Variants in CNTN4 observed in about 807,000 individuals in gnomAD.
CNTN4 encodes the protein contactin-4.
Under a neutral mutation model 122.5 loss-of-function variants are expected in CNTN4, and 77 were observed. The ratio of observed to expected loss-of-function variants is 0.63; its 90% CI spans 0.52 to 0.76. CNTN4 has a LOEUF of 0.76. CNTN4 is among the 30% of genes least tolerant of loss of function. The pLI is 0.00. For synonymous variants in CNTN4, 512 were observed against 447.0 expected (o/e 1.15, Z -1.83); for missense variants, 1,256 against 1,259.1 (o/e 1.00, Z 0.04).
At chr3:2,478,695 G>A (rs1472931524) in intron 3 of CNTN4, among the ~76,000 whole-genome samples, 1 of 152,054 alleles carries the variant, frequency 6.6e-6, no homozygotes, top group Non-Finnish European at 1.5e-5. Flanking sequence ...TTGGTTTTCT[G>A]TTCCTGCGTT....
In CNTN4 at chr3:2,833,226, C is replaced by T. The variant is rs113892924; in HGVS notation, c.454+13645C>T. Among the ~76,000 whole-genome samples, 329 of 152,206 alleles carry T rather than the reference C, an allele frequency of 2.2e-3. 2 individuals carry two copies. The Middle Eastern group carries it at 0.034, about 16-fold the overall frequency. On this transcript the variant is annotated intron_variant, in intron 7 of 24. Coordinates refer to ENST00000418658, the MANE Select transcript of CNTN4 (RefSeq NM_175607.3). ...GATGCCAATGTTAAAAGAGAGTTGC[C>T]GCCAATGCAGATTGAGGTTTGAAGG...
chr3:2,283,138 T>TA (rs891766411), intron 2 of CNTN4, among the ~76,000 whole-genome samples: 152 of 152,272 alleles, frequency 1.0e-3, no homozygotes, highest in African/African-American at 3.5e-3. Flanking sequence ...TGGTAAATGT[T>TA]ACATTACGTG....
In CNTN4 at chr3:2,169,544, C is replaced by T. The variant is rs904151918; in HGVS notation, c.-145+68905C>T. Among the ~76,000 whole-genome samples, 9 of 105,280 alleles carry T rather than the reference C, an allele frequency of 8.5e-5. No individual in the cohort carries two copies. In the South Asian group the frequency reaches 1.1e-3, roughly 12 times the overall value. The allele number at this position is 105,280 out of a possible 152,430, so 69.1% of individuals were successfully genotyped here. On this transcript the variant is annotated intron_variant, in intron 2 of 24. Transcript: ENST00000418658. The stretch of plus-strand genomic sequence containing the variant: ...GCCTCAGCCTCCCGAGTAGCTGGGA[C>T]TACAGGCGCCGCCACCACGCCCGGC...
At chr3:2,400,422 TATATAC>T (rs1237626760) in intron 3 of CNTN4, among the ~76,000 whole-genome samples, 7 of 59,356 alleles carry the variant, frequency 1.2e-4, no homozygotes, top group Non-Finnish European at 2.2e-4. Flanking sequence ...TATATATATA[TATATAC>T]ATATATATAT....
At chr3:2,866,327 T>G (rs1487540908) in intron 7 of CNTN4, 2 of 237,660 alleles carry the variant, frequency 8.4e-6, no homozygotes, top group Non-Finnish European at 1.5e-5. Flanking sequence ...ATATAATGAT[T>G]ATTATCTATA....
intron 2 of CNTN4, among the ~76,000 whole-genome samples, chr3:2,243,656 A>G (rs1279283580): frequency 6.6e-6 from 1 of 152,150 alleles, no homozygotes; most frequent in Non-Finnish European, 1.5e-5. Flanking sequence ...AATAAACAAA[A>G]TGGAGTGGAT....
intron 4 of CNTN4, among the ~76,000 whole-genome samples, chr3:2,643,112 C>A (rs1050532936): frequency 1.1e-4 from 17 of 152,202 alleles, no homozygotes; most frequent in African/African-American, 3.9e-4. Flanking sequence ...CCCCTTTTAT[C>A]TCTATGTATT....
chr3:2,346,486 C>T (rs937452421), intron 3 of CNTN4, among the ~76,000 whole-genome samples: 1 of 152,094 alleles, frequency 6.6e-6, no homozygotes, highest in Non-Finnish European at 1.5e-5. Flanking sequence ...CTTCCTTTTG[C>T]TCAAAAGTTC....
chr3:2,657,980 T>C (rs142944681), intron 4 of CNTN4, among the ~76,000 whole-genome samples: 117 of 150,072 alleles, frequency 7.8e-4, no homozygotes, highest in African/African-American at 2.7e-3. Flanking sequence ...GCCATGAGGA[T>C]GAGTTGCCCA....
intron 3 of CNTN4, among the ~76,000 whole-genome samples, chr3:2,480,715 C>CA (rs1351289995): frequency 1.2e-4 from 18 of 152,188 alleles, no homozygotes; most frequent in Admixed American, 1.2e-3. Flanking sequence ...CAGTCCCAAT[C>CA]AAAATCCCAG....
At chr3:2,637,974 A>G (rs2082738573) in intron 4 of CNTN4, among the ~76,000 whole-genome samples, 1 of 152,216 alleles carries the variant, frequency 6.6e-6, no homozygotes, top group South Asian at 2.1e-4. Context: ...ACTTGTAACT[A>G]TGGGCAAATT....
At chr3:2,296,706 A>G (rs1479099458) in intron 2 of CNTN4, among the ~76,000 whole-genome samples, 2 of 152,088 alleles carry the variant, frequency 1.3e-5, no homozygotes, top group Non-Finnish European at 2.9e-5. Flanking sequence ...CACAAGAAGA[A>G]TAAAATGGTC....
intron 4 of CNTN4, among the ~76,000 whole-genome samples, chr3:2,702,980 G>A (rs1050902441): frequency 6.6e-6 from 1 of 152,146 alleles, no homozygotes; most frequent in Non-Finnish European, 1.5e-5. Flanking sequence ...ATATTCTCAG[G>A]AATGTGTTCT....
At chr3:2,556,087 G>T (rs2078709633) in intron 3 of CNTN4, among the ~76,000 whole-genome samples, 2 of 152,096 alleles carry the variant, frequency 1.3e-5, no homozygotes, top group Non-Finnish European at 2.9e-5. Flanking sequence ...TCCATTTGGG[G>T]GTTACTGGAA....
At chr3:2,695,480 T>C (rs1477663737) in intron 4 of CNTN4, among the ~76,000 whole-genome samples, 2 of 152,244 alleles carry the variant, frequency 1.3e-5, no homozygotes, top group African/African-American at 4.8e-5. Flanking sequence ...AGGAATTGGT[T>C]TCCAAATTGC....
chr3:2,830,152 A>G (rs1263156433), intron 7 of CNTN4, among the ~76,000 whole-genome samples: 2 of 152,192 alleles, frequency 1.3e-5, no homozygotes, highest in African/African-American at 4.8e-5. Context: ...AGAAACCAAG[A>G]ACTTAATGAT....
intron 3 of CNTN4, among the ~76,000 whole-genome samples, chr3:2,501,149 C>T (rs534328304): frequency 6.6e-6 from 1 of 152,072 alleles, no homozygotes; most frequent in Non-Finnish European, 1.5e-5. Context: ...GTGGGAGACC[C>T]ATATGCTCAG....
intron 6 of CNTN4, among the ~76,000 whole-genome samples, chr3:2,765,671 A>G (rs776902567): frequency 6.6e-6 from 1 of 152,206 alleles, no homozygotes; most frequent in Non-Finnish European, 1.5e-5. Flanking sequence ...AGCTGCACAT[A>G]TAAGTTCCTC....
chr3:2,708,390 T>C (rs918204142), intron 4 of CNTN4, among the ~76,000 whole-genome samples: 1 of 152,164 alleles, frequency 6.6e-6, no homozygotes, highest in African/African-American at 2.4e-5. Context: ...AAGAAATGAT[T>C]ATAATTATCT....
Sources: gnomAD v4.1 joint callset for allele counts (sites outside exome capture counted in the v4.1 genomes callset) on GRCh38, gnomAD v4.1.1 for gene constraint, MANE v1.5 for transcripts, NCBI Gene and HGNC (gene_info 2026-07-23, HGNC 2026-07-21) for gene names.